INSC: variants seen among roughly 807,000 people sequenced by gnomAD.
The protein encoded by INSC is protein inscuteable homolog.
A neutral mutation model predicts 58.6 loss-of-function variants in INSC; 67 were observed. The ratio of observed to expected loss-of-function variants is 1.14; its 90% CI spans 0.94 to 1.40. The LOEUF (loss-of-function observed/expected upper bound fraction) is 1.40, where lower values mean the gene tolerates loss of function less well. Ranked by LOEUF, INSC falls within the 40% of genes most tolerant of loss-of-function variation. The pLI is 0.00. For missense variants in INSC, 714 were observed against 692.0 expected (o/e 1.03, Z -0.36); for synonymous variants, 262 against 276.1 (o/e 0.95, Z 0.51).
intron 8 of INSC, among the ~76,000 whole-genome samples, chr11:15,222,559 A>G (rs972290806): frequency 1.3e-5 from 2 of 152,146 alleles, no homozygotes; most frequent in Non-Finnish European, 2.9e-5. Flanking sequence ...ATGTGCAGCA[A>G]GCCTGCGCCG....
intron 2 of INSC, among the ~76,000 whole-genome samples, chr11:15,170,784 A>C (rs1266489616): frequency 6.6e-6 from 1 of 152,094 alleles, no homozygotes; most frequent in African/African-American, 2.4e-5. Flanking sequence ...ACAGTCATCT[A>C]TTTGCGCAAA....
chr11:15,240,970 C>T (rs1420873821), intron 12 of INSC, among the ~76,000 whole-genome samples: 1 of 152,192 alleles, frequency 6.6e-6, no homozygotes, highest in African/African-American at 2.4e-5. Flanking sequence ...CATTGTAGCT[C>T]TCTCCTCCTT....
upstream of INSC, chr11:15,112,671 T>G (rs1847598233): frequency 1.1e-5 from 7 of 657,200 alleles, no homozygotes; most frequent in African/African-American, 5.8e-5. Flanking sequence ...TTATGCCAAG[T>G]GCCTCCAGGG....
chr11:15,242,106 C>T (rs187437515), intron 12 of INSC, among the ~76,000 whole-genome samples: 19 of 152,296 alleles, frequency 1.2e-4, no homozygotes, highest in East Asian at 1.2e-3. Context: ...TTAATTCTGC[C>T]TGTTCTAGCA....
chr11:15,159,385 A>G lies in INSC; in HGVS notation c.56+10155A>G, dbSNP rs554775178. On this transcript the variant is annotated intron_variant, in intron 2 of 12. Transcript: ENST00000379556. Reference sequence around the variant, plus strand: ...GGTAATGGGCACATTACGTCTGTGAATTATCCTAAATGTCCACTTTGGCAA... The same window carrying G: ...GGTAATGGGCACATTACGTCTGTGAGTTATCCTAAATGTCCACTTTGGCAA... Among the ~76,000 whole-genome samples the G allele has an allele frequency of 2.2e-3, 335 of 152,320 alleles. 3 individuals are homozygous for G. Among genetic ancestry groups the G allele is most frequent in the African/African-American group, 7.5e-3 (310 of 41,572 alleles).
At position 15,221,478 on chromosome 11, in the gene INSC, T is replaced by G. The variant is rs776811064; in HGVS notation, c.821T>G (p.Val274Gly). Residue 274 changes from valine to glycine, a missense_variant and splice_region_variant, in exon 8 of 13, where the codon GTG becomes GGG. Coordinates refer to ENST00000379556, the MANE Select transcript of INSC (RefSeq NM_001042536.3). ...GGAGCTCCCTCTCTCCATCTGCAGG[T>G]GGATGGCGTTCTGTGCTTGGCCGAC... ...VEEGVHQLEK[V>G]DGVLCLADIL... 6.2e-7 allele frequency: 1 copy of G among 1,605,714 alleles called. No homozygotes were observed. The highest frequency in any genetic ancestry group is 8.5e-7 in the Non-Finnish European group (1 of 1,174,860).
intron 1 of INSC, among the ~76,000 whole-genome samples, chr11:15,115,914 G>A (rs1408232153): frequency 6.6e-6 from 1 of 152,208 alleles, no homozygotes; most frequent in Admixed American, 6.5e-5. Context: ...TCAGCCGCTA[G>A]CCTCCTCCCA....
chr11:15,230,031 T>C (rs1375446359), intron 9 of INSC, among the ~76,000 whole-genome samples: 1 of 71,312 alleles, frequency 1.4e-5, no homozygotes, highest in African/African-American at 5.6e-5. Flanking sequence ...TATATATATA[T>C]ATATATATAA....
chr11:15,202,392 A>G (rs1174829321), intron 7 of INSC, among the ~76,000 whole-genome samples: 1 of 152,176 alleles, frequency 6.6e-6, no homozygotes, highest in East Asian at 1.9e-4. Flanking sequence ...AACCAATTAC[A>G]GTTATCTCTA....
At chr11:15,180,265 A>G (rs980829112) in intron 5 of INSC, among the ~76,000 whole-genome samples, 1 of 151,732 alleles carries the variant, frequency 6.6e-6, no homozygotes, top group Non-Finnish European at 1.5e-5. Context: ...CTCAAAAAAA[A>G]CAAACAAAAC....
intron 2 of INSC, among the ~76,000 whole-genome samples, chr11:15,161,423 CT>C (rs1849015957): frequency 6.6e-6 from 1 of 152,170 alleles, no homozygotes; most frequent in Non-Finnish European, 1.5e-5. Flanking sequence ...TAATGTTGAT[CT>C]GAAAACTTTT....
intron 7 of INSC, among the ~76,000 whole-genome samples, chr11:15,209,953 CCT>C (rs1413226961): frequency 6.6e-6 from 1 of 152,164 alleles, no homozygotes; most frequent in African/African-American, 2.4e-5. Flanking sequence ...GCCCTGAGCC[CCT>C]GTTTGCACCA....
chr11:15,156,985 G>C (rs1396726363), intron 2 of INSC, among the ~76,000 whole-genome samples: 1 of 152,192 alleles, frequency 6.6e-6, no homozygotes, highest in African/African-American at 2.4e-5. Flanking sequence ...GATGATTGTA[G>C]TTGCATTTTG....
intron 12 of INSC, among the ~76,000 whole-genome samples, chr11:15,243,183 G>T (rs1852424008): frequency 6.6e-6 from 1 of 152,158 alleles, no homozygotes. Flanking sequence ...GTCCCTAGGA[G>T]TGTTCCAACA....
At chr11:15,150,473 G>A (rs1848615172) in intron 2 of INSC, among the ~76,000 whole-genome samples, 1 of 152,210 alleles carries the variant, frequency 6.6e-6, no homozygotes, top group Non-Finnish European at 1.5e-5. Flanking sequence ...TCATTTTGCA[G>A]TGCCATTGTT....
chr11:15,145,300 C>A (rs1011254848), intron 1 of INSC, among the ~76,000 whole-genome samples: 23 of 152,196 alleles, frequency 1.5e-4, no homozygotes, highest in Non-Finnish European at 7.3e-5. Flanking sequence ...CTTATCAGGT[C>A]AGGATCTGTA....
intron 10 of INSC, among the ~76,000 whole-genome samples, chr11:15,238,174 G>A (rs560864070): frequency 6.6e-6 from 1 of 152,060 alleles, no homozygotes; most frequent in African/African-American, 2.4e-5. Context: ...AAGGAGGTAT[G>A]AGCGGACATG....
intron 7 of INSC, among the ~76,000 whole-genome samples, chr11:15,211,857 T>A (rs1227766857): frequency 3.4e-5 from 5 of 145,832 alleles, no homozygotes; most frequent in Non-Finnish European, 5.9e-5. Context: ...TGTTTCTGGA[T>A]TTTTTTTTTC....
chr11:15,137,468 T>C (rs2133718286), intron 1 of INSC, among the ~76,000 whole-genome samples: 1 of 152,342 alleles, frequency 6.6e-6, no homozygotes, highest in Non-Finnish European at 1.5e-5. Flanking sequence ...CCATTGAAGA[T>C]CTGTTGTTAA....
Sources: allele counts gnomAD v4.1 joint callset (sites outside exome capture counted in the v4.1 genomes callset), GRCh38; gene constraint gnomAD v4.1.1; transcripts MANE v1.5; gene names NCBI Gene and HGNC (gene_info 2026-07-23, HGNC 2026-07-21).